The following PLEKHA5 variants were observed in gnomAD, a reference collection of about 807,000 sequenced individuals.
PLEKHA5 encodes pleckstrin homology domain-containing family A member 5.
A neutral mutation model predicts 181.9 loss-of-function variants in PLEKHA5; 55 were observed. That is an observed-to-expected ratio of 0.30 (90% CI 0.24 to 0.38). PLEKHA5 has a LOEUF of 0.38. PLEKHA5 is among the 10% of genes least tolerant of loss of function. The probability of loss-of-function intolerance (pLI) is 1.00; values close to 1 mark genes in which losing one functional copy is unlikely to be tolerated. For missense variants in PLEKHA5, 1,432 were observed against 1,549.5 expected, an observed-to-expected ratio of 0.92 and a Z score of 1.27; for synonymous variants, 535 against 529.4, an observed-to-expected ratio of 1.01 and a Z score of -0.15.
At chr12:19,265,945 T>C in intron 8 of PLEKHA5, 95 bp downstream of exon 8, 1 of 559,920 alleles carries the variant, frequency 1.8e-6, no homozygotes. Flanking sequence ...AGCTACCTTA[T>C]AGTGATTTTT....
At chr12:19,291,793 G>A (rs922765961) in intron 15 of PLEKHA5, 96 bp downstream of exon 15, 3 of 620,672 alleles carry the variant, frequency 4.8e-6, no homozygotes, top group East Asian at 3.0e-5. Flanking sequence ...CAGTCACGTT[G>A]AATTAATAAC....
At chr12:19,156,151 G>A (rs1380739710) in intron 3 of PLEKHA5, among the ~76,000 whole-genome samples, 4 of 150,932 alleles carry the variant, frequency 2.7e-5, no homozygotes, top group Non-Finnish European at 5.9e-5. Context: ...GTATGTTCTT[G>A]AATTGTTGGG....
chr12:19,152,261 G>C (rs1008294861), intron 3 of PLEKHA5: 23 of 152,142 alleles, frequency 1.5e-4, no homozygotes, highest in African/African-American at 5.1e-4. Flanking sequence ...ACTGTGTGAT[G>C]AACCAGACCA....
intron 15 of PLEKHA5, chr12:19,306,528 ACGCCGCGAGCAG>A (rs775280805): frequency 5.4e-6 from 4 of 740,702 alleles, no homozygotes; most frequent in South Asian, 1.4e-5. Context: ...AGGAGGGAGA[ACGCCGCGAGCAG>A]CGCCGTGAGC....
chr12:19,309,724 G>A (rs1246964056), intron 15 of PLEKHA5, among the ~76,000 whole-genome samples: 1 of 150,076 alleles, frequency 6.7e-6, no homozygotes, highest in Non-Finnish European at 1.5e-5. Context: ...CAGCCTGGGC[G>A]ACAGAGTGAG....
chr12:19,322,739 A>G (rs940569386), intron 20 of PLEKHA5, 72 bp downstream of exon 20: 3 of 970,016 alleles, frequency 3.1e-6, no homozygotes, highest in African/African-American at 3.3e-5. Context: ...TCTTTTTTTT[A>G]ATACTGGGCT....
intron 3 of PLEKHA5, among the ~76,000 whole-genome samples, chr12:19,171,167 A>G (rs981380374): frequency 2.6e-5 from 4 of 152,196 alleles, no homozygotes; most frequent in Admixed American, 2.0e-4. Context: ...CTTTATTAAT[A>G]GCTTGAGGAT....
intron 15 of PLEKHA5, among the ~76,000 whole-genome samples, chr12:19,295,752 G>A (rs1367662101): frequency 6.6e-6 from 1 of 152,100 alleles, no homozygotes; most frequent in Admixed American, 6.5e-5. Flanking sequence ...AGATAGAGAA[G>A]AAGGAGCACA....
At chr12:19,324,250 C>T (rs2091584209) in intron 20 of PLEKHA5, among the ~76,000 whole-genome samples, 2 of 152,114 alleles carry the variant, frequency 1.3e-5, no homozygotes. Context: ...AAGGAATATA[C>T]CATGATTTTA....
chr12:19,343,199 T>C (rs768781225), intron 21 of PLEKHA5, 124 bp from the exon 22 acceptor site: 1 of 536,538 alleles, frequency 1.9e-6, no homozygotes, highest in Non-Finnish European at 3.2e-6. Flanking sequence ...ATATTAAATA[T>C]TCGTAACACT....
Position 19,347,111 on chromosome 12 carries a change from G to A in PLEKHA5, c.2827G>A (p.Gly943Ser). 6.5e-7 allele frequency: 1 copy of A among 1,550,248 alleles called. No homozygotes were observed. The highest frequency in any genetic ancestry group is 2.4e-5 in the East Asian group (1 of 40,880). Residue 943 changes from glycine to serine, a missense_variant, in exon 24 of 32, where the codon GGC (glycine) becomes AGC (serine). By Grantham distance (56) the Gly-to-Ser change is moderately conservative (BLOSUM62 0). Around this residue, in one of 2 missense-constraint regions of PLEKHA5, gnomAD observed 1,143 missense variants for 1,168.4 expected, o/e 0.98. Coordinates refer to ENST00000429027, the MANE Select transcript of PLEKHA5 (RefSeq NM_001256470.2). The stretch of plus-strand genomic sequence containing the variant: ...CAGCTCCTTGCTCTGTTATAGCAGG[G>A]GCCCAGTTCATCTGCCTGAAGAAAA... ...DSSSLLCYSRGPVHLPEEKKM... is the reference protein window; with the variant it reads ...DSSSLLCYSRSPVHLPEEKKM...
chr12:19,346,171 A>G (rs2094318603), intron 23 of PLEKHA5, among the ~76,000 whole-genome samples: 1 of 152,120 alleles, frequency 6.6e-6, no homozygotes, highest in Admixed American at 6.6e-5. Context: ...AATACTTATC[A>G]TTGTTTCTTA....
At chr12:19,224,875 A>T (rs2059475576) in intron 3 of PLEKHA5, among the ~76,000 whole-genome samples, 2 of 152,148 alleles carry the variant, frequency 1.3e-5, no homozygotes, top group South Asian at 4.1e-4. Flanking sequence ...GATGGTGTGC[A>T]CCTTTAGTCT....
intron 3 of PLEKHA5, among the ~76,000 whole-genome samples, chr12:19,211,907 C>T (rs540336860): frequency 1.9e-4 from 29 of 152,200 alleles, no homozygotes; most frequent in African/African-American, 7.0e-4. Context: ...AATTGGCCTG[C>T]TTGGGGATTT....
rs982509831 is a variant in PLEKHA5, at chr12:19,346,866, CTT to C, written c.2710-125_2710-124del. The C allele has an allele frequency of 7.1e-6, 4 of 561,336 alleles. No homozygotes were observed. In the African/African-American group the frequency reaches 7.6e-5, roughly 11 times the overall value. The allele number at this position is 561,336 out of a possible 1,614,324, so 34.8% of individuals were successfully genotyped here. A position where few individuals can be genotyped will look rare whatever the true frequency, so the allele number is the denominator to read the frequency against. On this transcript the variant is annotated intron_variant, in intron 23 of 31. Transcript: ENST00000429027. ...TTTGATTTTACTTTTCATTATTAGA[CTT>C]TTGGCTTGGCAGTGTCCCTTTTAGT...
intron 15 of PLEKHA5, among the ~76,000 whole-genome samples, chr12:19,311,417 T>A (rs1402076705): frequency 6.7e-6 from 1 of 149,872 alleles, no homozygotes; most frequent in Non-Finnish European, 1.5e-5. Flanking sequence ...CACTCCAGTC[T>A]GGGCAACAGA....
At chr12:19,312,107 A>G (rs985313402) in intron 15 of PLEKHA5, among the ~76,000 whole-genome samples, 1 of 152,222 alleles carries the variant, frequency 6.6e-6, no homozygotes, top group Non-Finnish European at 1.5e-5. Flanking sequence ...TTTGAAAGGA[A>G]TCTTTCTTTC....
chr12:19,166,304 C>T (rs2044360149), intron 3 of PLEKHA5, among the ~76,000 whole-genome samples: 1 of 152,134 alleles, frequency 6.6e-6, no homozygotes, highest in African/African-American at 2.4e-5. Context: ...TTGACGTCAT[C>T]GAAACATACT....
intron 3 of PLEKHA5, among the ~76,000 whole-genome samples, chr12:19,183,757 A>C (rs2049156190): frequency 6.6e-6 from 1 of 152,088 alleles, no homozygotes; most frequent in Non-Finnish European, 1.5e-5. Context: ...TCTATTGCCC[A>C]GGCTGGAGCA....
Sources: allele counts gnomAD v4.1 joint callset (sites outside exome capture counted in the v4.1 genomes callset), GRCh38; gene constraint gnomAD v4.1.1; regional missense constraint gnomAD v4.1.1; transcripts MANE v1.5; gene names NCBI Gene and HGNC (gene_info 2026-07-23, HGNC 2026-07-21).